DMD: variants seen among roughly 807,000 people sequenced by gnomAD.
DMD encodes dystrophin, also known as mutant dystrophin.
In DMD, 63 loss-of-function variants were observed where a neutral mutation model predicts 330.1. The observed-to-expected ratio is 0.19, with a 90% confidence interval of 0.16 to 0.24. The LOEUF (loss-of-function observed/expected upper bound fraction) is 0.24. DMD is among the 10% of genes least tolerant of loss of function. The pLI is 1.00. For synonymous variants in DMD, 1,223 were observed against 959.8 expected (o/e 1.27, Z -5.07); for missense variants, 3,344 against 2,684.1 (o/e 1.25, Z -5.43).
intron 61 of DMD, among the ~76,000 whole-genome samples, chrX:31,343,454 C>A (rs886634960): frequency 9.0e-6 from 1 of 111,274 alleles, no homozygotes; most frequent in East Asian, 2.8e-4. Flanking sequence ...GAAAAAATTT[C>A]TTTAACATGT....
At chrX:32,227,483 CACTT>C (rs971175881) in intron 43 of DMD, among the ~76,000 whole-genome samples, 41 of 106,624 alleles carry the variant, frequency 3.8e-4, no homozygotes, top group South Asian at 4.3e-4. Flanking sequence ...TGCATGTTCT[CACTT>C]ACAAGTGGAA....
In DMD at chrX:32,501,738, T is replaced by C. The variant is rs1183885781; in HGVS notation, c.2380+17A>G. The C allele has an allele frequency of 8.6e-7, 1 of 1,160,887 alleles. No homozygotes were observed. On this transcript the variant is annotated intron_variant, in intron 19 of 78. Transcript: ENST00000357033. ...CAAATCCCTAAGAAGATTATCTAAA[T>C]CAACTCGTGTAATTACCATTCACCA...
chrX:32,628,598 A>G (rs975244883), intron 11 of DMD, among the ~76,000 whole-genome samples: 2 of 109,734 alleles, frequency 1.8e-5, no homozygotes, highest in African/African-American at 3.3e-5. Flanking sequence ...TAGCTCTTTA[A>G]GGTGTATCAT....
intron 60 of DMD, among the ~76,000 whole-genome samples, chrX:31,404,693 G>A (rs957611844): frequency 3.6e-5 from 4 of 111,776 alleles, no homozygotes; most frequent in African/African-American, 6.5e-5. Flanking sequence ...CATAACTGTA[G>A]TCAGCAATTT....
intron 7 of DMD, among the ~76,000 whole-genome samples, chrX:32,787,829 A>G (rs1207388802): frequency 1.1e-4 from 12 of 110,253 alleles, no homozygotes; most frequent in Non-Finnish European, 2.1e-4. Flanking sequence ...CATTTATTCT[A>G]GAGGCAGGCA....
chrX:32,741,219 T>C (rs1476975498), intron 7 of DMD, among the ~76,000 whole-genome samples: 1 of 111,575 alleles, frequency 9.0e-6, no homozygotes, highest in Non-Finnish European at 1.9e-5. Flanking sequence ...ACTTCCATTT[T>C]ACAATAAAGC....
intron 44 of DMD, among the ~76,000 whole-genome samples, chrX:32,171,151 A>G (rs141445215): frequency 0.03 from 3,329 of 111,587 alleles, 126 homozygotes; most frequent in African/African-American, 0.1. Context: ...AAATTAATAC[A>G]TATTTTATTT....
intron 43 of DMD, among the ~76,000 whole-genome samples, chrX:32,224,242 T>A (rs2147920817): frequency 9.0e-6 from 1 of 111,728 alleles, no homozygotes; most frequent in South Asian, 3.7e-4. Context: ...TTTTTATTCA[T>A]GATTAGTGCT....
rs763939856 is a variant in DMD, at chrX:32,843,127, C to T, written c.264+1656G>A. On this transcript the variant is annotated intron_variant, in intron 4 of 78. Transcript: ENST00000357033. ...CGACCTGTACCGCATTTTCTTTATGCAGGATTGAGTTTTACAGGATATCCC... is the reference window on the plus strand; with the variant it reads ...CGACCTGTACCGCATTTTCTTTATGTAGGATTGAGTTTTACAGGATATCCC... Among the ~76,000 whole-genome samples, 7 of 112,023 alleles carry T rather than the reference C, an allele frequency of 6.2e-5. No individual in the cohort carries two copies. In the East Asian group the frequency reaches 2.0e-3, roughly 32 times the overall value.
chrX:32,603,278 G>T (rs760581301), intron 12 of DMD, among the ~76,000 whole-genome samples: 4 of 111,208 alleles, frequency 3.6e-5, no homozygotes, highest in Non-Finnish European at 5.7e-5. Context: ...TTTGGACAAT[G>T]AAATCAAGGA....
chrX:33,238,493 C>G (rs1368000405), intron 1 of DMD, among the ~76,000 whole-genome samples: 1 of 110,975 alleles, frequency 9.0e-6, no homozygotes. Context: ...CTCTCTCCCC[C>G]CTGTTTGTGT....
chrX:31,432,855 A>C (rs1335547587), intron 60 of DMD, among the ~76,000 whole-genome samples: 1 of 112,319 alleles, frequency 8.9e-6, no homozygotes, highest in African/African-American at 3.2e-5. Flanking sequence ...CAGTAGATTC[A>C]ATTGTTTTCT....
chrX:33,338,544 C>T (rs917712979), intron 1 of DMD, among the ~76,000 whole-genome samples: 3 of 110,679 alleles, frequency 2.7e-5, no homozygotes, highest in South Asian at 3.8e-4. Flanking sequence ...TCATTAACAG[C>T]CTTCAAAGCC....
chrX:33,063,836 T>TAC (rs199812420), intron 1 of DMD, among the ~76,000 whole-genome samples: 1,965 of 110,992 alleles, frequency 0.018, 47 homozygotes, highest in African/African-American at 0.061. Context: ...CCTGCTACAA[T>TAC]ACACACACAC....
intron 18 of DMD, among the ~76,000 whole-genome samples, chrX:32,513,435 C>A (rs1051788041): frequency 1.8e-5 from 2 of 112,115 alleles, no homozygotes; most frequent in African/African-American, 3.2e-5. Flanking sequence ...TAGAAGTAAG[C>A]CATGATATTA....
At chrX:33,125,490 A>G (rs2095457990) in intron 1 of DMD, among the ~76,000 whole-genome samples, 1 of 112,055 alleles carries the variant, frequency 8.9e-6, no homozygotes, top group African/African-American at 3.2e-5. Context: ...AAATTTCATT[A>G]AAAGTCAATT....
chrX:31,738,960 G>T (rs115014584), intron 51 of DMD, among the ~76,000 whole-genome samples: 9,712 of 111,326 alleles, frequency 0.087, 374 homozygotes, highest in African/African-American at 0.14. Flanking sequence ...GGTGGTGTAG[G>T]TATAGTTACT....
chrX:33,277,247 T>C (rs1358960937), intron 1 of DMD, among the ~76,000 whole-genome samples: 1 of 111,476 alleles, frequency 9.0e-6, no homozygotes, highest in South Asian at 3.8e-4. Flanking sequence ...AGTGGTTTCG[T>C]GGTTGCCAAC....
At chrX:33,263,191 C>G (rs749940878) in intron 1 of DMD, among the ~76,000 whole-genome samples, 1 of 110,036 alleles carries the variant, frequency 9.1e-6, no homozygotes, top group Non-Finnish European at 1.9e-5. Flanking sequence ...ATACATGTAT[C>G]AAAATAGCTC....
Sources: allele counts gnomAD v4.1 joint callset (sites outside exome capture counted in the v4.1 genomes callset), GRCh38; gene constraint gnomAD v4.1.1; transcripts MANE v1.5; gene names NCBI Gene and HGNC (gene_info 2026-07-23, HGNC 2026-07-21).